The following RNF212B variants were observed in gnomAD, a reference collection of about 807,000 sequenced individuals.
RNF212B encodes ring finger protein 212B.
A neutral mutation model predicts 55.5 loss-of-function variants in RNF212B; 52 were observed. The observed-to-expected ratio is 0.94, with a 90% confidence interval of 0.75 to 1.18. RNF212B has a LOEUF of 1.18. Among genes scored for constraint, RNF212B ranks in the 50% most tolerant of loss-of-function variants. The probability of loss-of-function intolerance (pLI) is 0.00; values close to 1 mark genes in which losing one functional copy is unlikely to be tolerated. For missense variants in RNF212B, 289 were observed against 350.4 expected (o/e 0.82, Z 1.40); for synonymous variants, 99 against 121.4 (o/e 0.82, Z 1.21).
chr14:23,215,663 T>C (rs1409157400), intron 2 of RNF212B, among the ~76,000 whole-genome samples: 1 of 152,142 alleles, frequency 6.6e-6, no homozygotes, highest in Non-Finnish European at 1.5e-5. Flanking sequence ...ACTCAAGACA[T>C]TCCCAAATGA....
chr14:23,195,200 G>A (rs1193891336), intron 2 of RNF212B, among the ~76,000 whole-genome samples: 1 of 151,898 alleles, frequency 6.6e-6, no homozygotes. Context: ...GGCTGAGGTG[G>A]AAGGATTGCT....
At chr14:23,235,160 T>G (rs182102949), upstream of RNF212B, among the ~76,000 whole-genome samples, 6 of 151,668 alleles carry the variant, frequency 4.0e-5, no homozygotes, top group Admixed American at 3.3e-4. Flanking sequence ...TGCAGTGAGC[T>G]GAGATGGTGC....
chr14:23,233,878 CCT>C (rs1882915709), upstream of RNF212B, among the ~76,000 whole-genome samples: 1 of 152,002 alleles, frequency 6.6e-6, no homozygotes, highest in South Asian at 2.1e-4. Context: ...GGGCGGATCA[CCT>C]GAGGTCAGGA....
rs150940773 is a variant in RNF212B at position 23,253,765 on chromosome 14, T to C, written c.229-4784T>C. Among the ~76,000 whole-genome samples the C allele has an allele frequency of 5.6e-3, 847 of 152,264 alleles. 9 individuals are homozygous for C. The highest frequency in any genetic ancestry group is 0.019 in the African/African-American group (802 of 41,548). ...AGCAAATGATTATCCAGATATATAG[T>C]TCAAAAATACTAAGACTTGCTTGTA... On this transcript the variant is annotated intron_variant, in intron 4 of 14. Coordinates refer to ENST00000430154, the MANE Select transcript of RNF212B (RefSeq NM_001282322.3).
intron 7 of RNF212B, 56 bp from the exon 8 acceptor site, chr14:23,262,609 G>T (rs1885374440): frequency 1.4e-6 from 2 of 1,423,232 alleles, no homozygotes; most frequent in Non-Finnish European, 1.9e-6. Flanking sequence ...CCTCTAAAGT[G>T]GCACTTGACC....
At chr14:23,219,964 G>A (rs112252494) in intron 2 of RNF212B, among the ~76,000 whole-genome samples, 3,259 of 151,648 alleles carry the variant, frequency 0.021, 108 homozygotes, top group African/African-American at 0.073. Flanking sequence ...CAGGTGGATC[G>A]TTTGACGTCA....
At chr14:23,194,400 A>G (rs1878433104) in intron 2 of RNF212B, among the ~76,000 whole-genome samples, 1 of 152,176 alleles carries the variant, frequency 6.6e-6, no homozygotes, top group Non-Finnish European at 1.5e-5. Flanking sequence ...CAAATTTGGA[A>G]AATTTGCAAT....
chr14:23,254,290 AAC>A (rs1491279992), intron 4 of RNF212B, among the ~76,000 whole-genome samples: 7,300 of 73,028 alleles, frequency 0.1, 539 homozygotes, highest in African/African-American at 0.21. Context: ...TTATCTCAAA[AAC>A]AAAACAAAAC....
chr14:23,271,907 T>C (rs1886115333), intron 14 of RNF212B, among the ~76,000 whole-genome samples: 1 of 152,238 alleles, frequency 6.6e-6, no homozygotes. Flanking sequence ...TTTTTTGGTA[T>C]GATGATATCG....
At chr14:23,238,349 G>T (rs1038552482) in intron 1 of RNF212B, among the ~76,000 whole-genome samples, 3 of 152,088 alleles carry the variant, frequency 2.0e-5, no homozygotes, top group African/African-American at 7.2e-5. Context: ...TGTGGGATGC[G>T]TTTGCGTTGA....
intron 11 of RNF212B, among the ~76,000 whole-genome samples, chr14:23,268,166 G>A (rs1885829570): frequency 6.6e-6 from 1 of 152,150 alleles, no homozygotes; most frequent in Non-Finnish European, 1.5e-5. Flanking sequence ...AAGTCCTGGT[G>A]CTGTCAAATT....
intron 9 of RNF212B, 85 bp from the exon 10 acceptor site, chr14:23,264,089 A>T: frequency 8.4e-7 from 1 of 1,196,864 alleles, no homozygotes. Context: ...CTCTGTCTGA[A>T]AAAAACCAAA....
chr14:23,217,246 TGGCAGTGGTGG>T (rs761664576), intron 2 of RNF212B, among the ~76,000 whole-genome samples: 26 of 147,414 alleles, frequency 1.8e-4, no homozygotes, highest in Non-Finnish European at 3.4e-4. Context: ...GTGGCAGTGG[TGGCAGTGGTGG>T]GGGGGGGGCT....
At chr14:23,267,096 G>T (rs1885759037) in intron 11 of RNF212B, among the ~76,000 whole-genome samples, 1 of 152,172 alleles carries the variant, frequency 6.6e-6, no homozygotes, top group Non-Finnish European at 1.5e-5. Context: ...AGCCTCCTGA[G>T]TAGCTAGAAC....
At chr14:23,190,910 C>A (rs7151703) in intron 1 of RNF212B, among the ~76,000 whole-genome samples, 268 of 152,284 alleles carry the variant, frequency 1.8e-3, no homozygotes, top group African/African-American at 6.4e-3. Flanking sequence ...GAACACTAAG[C>A]TCTGCCTCAG....
At chr14:23,185,480 G>C (rs1057403393) in exon 1 of RNF212B, 1 of 152,212 alleles carries the variant, frequency 6.6e-6, no homozygotes, top group Non-Finnish European at 1.5e-5. Context: ...TAATGTTTCT[G>C]CTTCTTAAAC....
intron 2 of RNF212B, among the ~76,000 whole-genome samples, chr14:23,212,656 A>T (rs1180973364): frequency 6.6e-6 from 1 of 151,852 alleles, no homozygotes. Flanking sequence ...GTCTCGGCTC[A>T]CTGCAAGCTC....
chr14:23,233,408 A>G (rs1335383242), upstream of RNF212B, among the ~76,000 whole-genome samples: 2 of 151,302 alleles, frequency 1.3e-5, no homozygotes, highest in Non-Finnish European at 2.9e-5. Flanking sequence ...ATCAATTAAA[A>G]AAAAAAAAAA....
In RNF212B at chr14:23,215,690, G is replaced by C. The variant is rs192175180; in HGVS notation, c.-2+22289G>C. ...CCCAAATGAAGGAAAACTAAGAAAA[G>C]GGGTCATGAGCAGATGTACCCTAAA... On this transcript the variant is annotated intron_variant, in intron 2 of 15. Coordinates refer to the RNF212B transcript ENST00000399910. Among the ~76,000 whole-genome samples, 149 of 152,248 alleles carry C rather than the reference G, an allele frequency of 9.8e-4. 1 individual carries two copies. Among genetic ancestry groups the C allele is most frequent in the Admixed American group, 3.2e-3 (49 of 15,286 alleles).
Sources: allele counts gnomAD v4.1 joint callset (sites outside exome capture counted in the v4.1 genomes callset), GRCh38; gene constraint gnomAD v4.1.1; transcripts MANE v1.5; gene names NCBI Gene and HGNC (gene_info 2026-07-23, HGNC 2026-07-21).